HERC1: variants seen among roughly 807,000 people sequenced by gnomAD.
HERC1 encodes the protein probable E3 ubiquitin-protein ligase HERC1.
A neutral mutation model predicts 554.3 loss-of-function variants in HERC1; 160 were observed. That is an observed-to-expected ratio of 0.29 (90% confidence interval 0.25 to 0.33). The LOEUF (loss-of-function observed/expected upper bound fraction) is 0.33, where lower values mean the gene tolerates loss of function less well. Among genes scored for constraint, HERC1 ranks in the 10% least tolerant of loss-of-function variants. The probability of loss-of-function intolerance (pLI) is 1.00; values close to 1 mark genes in which losing one functional copy is unlikely to be tolerated. For missense variants in HERC1, 4,919 were observed against 5,918.5 expected, an observed-to-expected ratio of 0.83 and a Z score of 5.54; for synonymous variants, 2,175 against 2,131.7, an observed-to-expected ratio of 1.02 and a Z score of -0.56.
intron 34 of HERC1, among the ~76,000 whole-genome samples, chr15:63,682,008 G>T (rs188474906): frequency 1.3e-5 from 2 of 152,314 alleles, no homozygotes; most frequent in East Asian, 3.9e-4. Flanking sequence ...ATCTCTGAAT[G>T]TGAGGGTGGT....
At chr15:63,785,256 T>A (rs565937884) in intron 1 of HERC1, among the ~76,000 whole-genome samples, 2 of 152,014 alleles carry the variant, frequency 1.3e-5, no homozygotes, top group Admixed American at 1.3e-4. Context: ...AGACATTACC[T>A]TGACAAAATG....
intron 74 of HERC1, among the ~76,000 whole-genome samples, chr15:63,622,230 T>A (rs1181881850): frequency 6.6e-6 from 1 of 152,118 alleles, no homozygotes; most frequent in African/African-American, 2.4e-5. Flanking sequence ...GAAACATAAA[T>A]CAGGTTTCAT....
chr15:63,673,217 TA>T (rs1418987859), intron 38 of HERC1, among the ~76,000 whole-genome samples: 2 of 148,746 alleles, frequency 1.3e-5, no homozygotes, highest in South Asian at 2.1e-4. Context: ...AGTATTTATA[TA>T]TTTTTTTTAA....
intron 32 of HERC1, among the ~76,000 whole-genome samples, chr15:63,690,166 CAAAAAA>C (rs373716359): frequency 5.1e-5 from 4 of 77,858 alleles, no homozygotes; most frequent in Non-Finnish European, 7.6e-5. Context: ...GACTCCATCT[CAAAAAA>C]AAAAAAAAAA....
Position 63,648,092 on chromosome 15 carries a change from T to C in HERC1, c.10855A>G (p.Ile3619Val), listed in dbSNP as rs756465521. 6.4e-7 allele frequency: 1 copy of C among 1,561,414 alleles called. No homozygotes were observed. The highest frequency in any genetic ancestry group is 8.7e-7 in the Non-Finnish European group (1 of 1,151,152). The change falls in exon 55 of 78, where the codon ATT becomes GTT. Residue 3619 changes from isoleucine (I) to valine (V), a missense_variant. Ile to Val is a conservative substitution (Grantham distance 29, BLOSUM62 3). This residue lies in a region of HERC1 where 1,963 missense variants were observed against 2,228.6 expected (regional missense o/e 0.88). Transcript: ENST00000443617. The stretch of plus-strand genomic sequence containing the variant: ...ACCTTATGTGCATCAATTAGAACAA[T>C]GCCTCCTTTCTCAAGTGGTTCCTTT... ...GTKEPLEKGG[I>V]VLIDAHKDTL... is the part of the protein sequence containing the mutation.
intron 8 of HERC1, among the ~76,000 whole-genome samples, chr15:63,751,627 C>T (rs572981096): frequency 6.6e-6 from 1 of 152,184 alleles, no homozygotes; most frequent in South Asian, 2.1e-4. Context: ...AGTGCTGAGA[C>T]AGACTGAGGG....
In HERC1 at chr15:63,749,813, T is replaced by C. The variant is rs2075174785; in HGVS notation, c.1903-22A>G. The C allele has an allele frequency of 6.6e-7, 1 of 1,519,030 alleles. No individual in the cohort carries two copies. Among genetic ancestry groups the C allele is most frequent in the South Asian group, 1.3e-5 (1 of 78,150 alleles). The allele number at this position is 1,519,030 out of a possible 1,614,324, so 94.1% of individuals were successfully genotyped here. ...AGACCTGAAAAAAACAGAAATACGT[T>C]ACACATAACTTCCTGAGATGATTAG... On this transcript the variant is annotated intron_variant, in intron 8 of 77. Coordinates refer to ENST00000443617, the MANE Select transcript of HERC1 (RefSeq NM_003922.4). The surrounding 1 kb of genome is among the most constrained non-coding windows in gnomAD (Gnocchi z 4.1).
intron 30 of HERC1, 37 bp downstream of exon 30, chr15:63,693,927 G>A: frequency 2.6e-6 from 4 of 1,531,726 alleles, no homozygotes; most frequent in Non-Finnish European, 3.5e-6. Flanking sequence ...TTTAATAAAT[G>A]CTTGTAAGTA....
At position 63,758,614 on chromosome 15, in the gene HERC1, A is replaced by T. The variant is rs1318763496; in HGVS notation, c.1027-245T>A. On this transcript the variant is annotated intron_variant, in intron 3 of 77. Coordinates refer to ENST00000443617, the MANE Select transcript of HERC1 (RefSeq NM_003922.4). This position sits in a 1 kb window ranked among gnomAD's most constrained non-coding sequence, Gnocchi z 4.0. ...CTTTAGCTAAACATTTTATTACTGCATACAAAACACTGTAGAAAAACAAAG... is the reference window on the plus strand; with the variant it reads ...CTTTAGCTAAACATTTTATTACTGCTTACAAAACACTGTAGAAAAACAAAG... 6.6e-6 allele frequency among the ~76,000 whole-genome samples: 1 copy of T among 152,218 alleles called. No individual in the cohort carries two copies. The highest frequency in any genetic ancestry group is 1.5e-5 in the Non-Finnish European group (1 of 68,028).
At chr15:63,813,028 C>G (rs1189814238) in intron 1 of HERC1, among the ~76,000 whole-genome samples, 1 of 152,220 alleles carries the variant, frequency 6.6e-6, no homozygotes, top group African/African-American at 2.4e-5. Flanking sequence ...AAAACACACA[C>G]CTTACCATCA....
chr15:63,826,829 A>G (rs1249180002), intron 1 of HERC1, among the ~76,000 whole-genome samples: 1 of 119,462 alleles, frequency 8.4e-6, no homozygotes, highest in Non-Finnish European at 1.8e-5. Flanking sequence ...ATATATATAT[A>G]TATATATATA....
Position 63,753,223 on chromosome 15 carries a change from G to A in HERC1, c.1775-138C>T, listed in dbSNP as rs572114983. 73 of 525,992 alleles carry A rather than the reference G, an allele frequency of 1.4e-4. No individual in the cohort carries two copies. In the East Asian group the frequency reaches 2.4e-3, roughly 17 times the overall value. 32.6% of individuals were successfully genotyped at this position (525,992 alleles called of 1,614,324 possible). A position where few individuals can be genotyped will look rare whatever the true frequency, so the allele number is the denominator to read the frequency against. On this transcript the variant is annotated intron_variant, in intron 7 of 77. Coordinates refer to ENST00000443617, the MANE Select transcript of HERC1 (RefSeq NM_003922.4). Reference sequence around the variant, plus strand: ...ATGAAAAGCTATGTTTCTGATAGCTGAGGATGTTAACAAACGAGCATTTTT... The same window carrying A: ...ATGAAAAGCTATGTTTCTGATAGCTAAGGATGTTAACAAACGAGCATTTTT...
At chr15:63,670,098 T>C (rs1235934603) in intron 39 of HERC1, among the ~76,000 whole-genome samples, 1 of 152,206 alleles carries the variant, frequency 6.6e-6, no homozygotes, top group African/African-American at 2.4e-5. Context: ...TAAATATTAA[T>C]ATAAACTCAC....
chr15:63,753,865 T>C (rs2075330965), intron 7 of HERC1, among the ~76,000 whole-genome samples: 1 of 152,170 alleles, frequency 6.6e-6, no homozygotes, highest in Non-Finnish European at 1.5e-5. Flanking sequence ...TGTAGAGTCA[T>C]GCTTGTTGAT....
chr15:63,695,293 T>A (rs529902698), intron 27 of HERC1, among the ~76,000 whole-genome samples: 26 of 152,054 alleles, frequency 1.7e-4, no homozygotes, highest in Admixed American at 1.6e-3. Context: ...AGCCTTGGCC[T>A]CCCAAAGTGC....
chr15:63,747,011 C>T lies in HERC1; in HGVS notation c.2427G>A (p.Gly809=), dbSNP rs200386807. The T allele has an allele frequency of 5.1e-5, 81 of 1,585,122 alleles. No individual in the cohort carries two copies. In the African/African-American group the frequency reaches 1.0e-3, roughly 20 times the overall value. The part of the protein sequence containing the change: ...SNHLALALAG[G]VATSILGRQA... ...GCCTCCCGAGAATGCTGGTAGCTAC[C>T]CCTCCCGCAAGTGCAAGAGCAAGGT... is the stretch of plus-strand genomic sequence containing the variant. The change falls in exon 12 of 78, where the codon GGG becomes GGA. Residue 809 remains glycine (G), a synonymous_variant. Coordinates refer to ENST00000443617, the MANE Select transcript of HERC1 (RefSeq NM_003922.4).
Position 63,674,780 on chromosome 15 carries a change from G to A in HERC1, c.7408C>T (p.Pro2470Ser), listed in dbSNP as rs2071111600. 1 of 1,613,902 alleles carries A rather than the reference G, an allele frequency of 6.2e-7. No homozygotes were observed. The highest frequency in any genetic ancestry group is 8.5e-7 in the Non-Finnish European group (1 of 1,179,858). The change falls in exon 38 of 78, where the codon CCA becomes TCA. Residue 2470 changes from proline (P) to serine (S), a missense_variant. Physicochemically the swap from Pro to Ser is moderately conservative, Grantham distance 74 (BLOSUM62 -1). Around this residue, in one of 11 missense-constraint regions of HERC1, gnomAD observed 1,963 missense variants for 2,228.6 expected, o/e 0.88. Coordinates refer to ENST00000443617, the MANE Select transcript of HERC1 (RefSeq NM_003922.4). ...ENEIASFSLD[P>S]TLPSVESQHQ... The stretch of plus-strand genomic sequence containing the variant: ...TGGGATTCCACACTTGGCAGTGTTG[G>A]ATCTAAAGAAAATGAAGCGATTTCA...
intron 65 of HERC1, among the ~76,000 whole-genome samples, chr15:63,635,556 T>G (rs1321525692): frequency 6.6e-6 from 1 of 152,252 alleles, no homozygotes; most frequent in African/African-American, 2.4e-5. Flanking sequence ...ACAATATGAT[T>G]TTAGAACACT....
At chr15:63,757,642 T>C (rs765479839) in intron 4 of HERC1, among the ~76,000 whole-genome samples, 11 of 152,154 alleles carry the variant, frequency 7.2e-5, no homozygotes, top group Non-Finnish European at 1.6e-4. Context: ...TTTTTAAAAA[T>C]CGAGATCCCA....
Sources: allele counts gnomAD v4.1 joint callset (sites outside exome capture counted in the v4.1 genomes callset), GRCh38; gene constraint gnomAD v4.1.1; regional missense constraint gnomAD v4.1.1; non-coding constraint Gnocchi (gnomAD v3.1); transcripts MANE v1.5; gene names NCBI Gene and HGNC (gene_info 2026-07-23, HGNC 2026-07-21).